Variants in UGT2A1 observed in about 807,000 individuals in gnomAD.
The protein encoded by UGT2A1 is UDP-glucuronosyltransferase 2A1.
In UGT2A1, 61 loss-of-function variants were observed where a neutral mutation model predicts 45.4. That is an observed-to-expected ratio of 1.34 (90% CI 1.09 to 1.66). UGT2A1 has a LOEUF of 1.66. Among genes scored for constraint, UGT2A1 ranks in the 40% most tolerant of loss-of-function variants. The pLI is 0.00. For synonymous variants in UGT2A1, 229 were observed against 196.2 expected (o/e 1.17, Z -1.40); for missense variants, 649 against 574.3 (o/e 1.13, Z -1.33).
chr4:69,599,579 G>T, intron 3 of UGT2A1, 185 bp from the exon 4 acceptor site: 2 of 846,712 alleles, frequency 2.4e-6, no homozygotes, highest in Non-Finnish European at 3.2e-6. Flanking sequence ...AAAGGAAGGA[G>T]GAAGGAAGAA....
chr4:69,622,304 G>C (rs28570072), intron 3 of UGT2A1, among the ~76,000 whole-genome samples: 48,067 of 151,470 alleles, frequency 0.32, 7,794 homozygotes, highest in South Asian at 0.37. Context: ...ACAAAGATGG[G>C]AAATTGGCAT....
chr4:69,633,221 C>A (rs145375022), intron 3 of UGT2A1, among the ~76,000 whole-genome samples: 1 of 152,118 alleles, frequency 6.6e-6, no homozygotes, highest in African/African-American at 2.4e-5. Context: ...ATACTGTACA[C>A]TTTATGCACT....
chr4:69,630,104 A>G (rs1721301325), intron 3 of UGT2A1, among the ~76,000 whole-genome samples: 1 of 152,098 alleles, frequency 6.6e-6, no homozygotes, highest in South Asian at 2.1e-4. Context: ...ATATTAAAAG[A>G]TTATATTAAA....
chr4:69,610,742 A>G (rs1348496442), intron 3 of UGT2A1, among the ~76,000 whole-genome samples: 2 of 152,194 alleles, frequency 1.3e-5, no homozygotes, highest in Non-Finnish European at 2.9e-5. Flanking sequence ...TGAGAATATA[A>G]GATGGTGGCC....
At chr4:69,632,884 TCA>T in intron 3 of UGT2A1, among the ~76,000 whole-genome samples, 1 of 133,158 alleles carries the variant, frequency 7.5e-6, no homozygotes, top group African/African-American at 3.1e-5. Flanking sequence ...CAAGACTCGG[TCA>T]AAAAAAAAAA....
chr4:69,632,321 T>G (rs1008525384), intron 3 of UGT2A1, among the ~76,000 whole-genome samples: 2 of 152,130 alleles, frequency 1.3e-5, no homozygotes, highest in Non-Finnish European at 2.9e-5. Flanking sequence ...GGGTCTGCAT[T>G]AAAGATAAGG....
intron 6 of UGT2A1, among the ~76,000 whole-genome samples, chr4:69,592,648 G>T (rs1397510865): frequency 6.6e-6 from 1 of 151,958 alleles, no homozygotes; most frequent in African/African-American, 2.4e-5. Context: ...ACTATTGGAG[G>T]CAATCTCAAT....
chr4:69,615,431 G>T (rs933098002), intron 3 of UGT2A1, among the ~76,000 whole-genome samples: 2 of 151,810 alleles, frequency 1.3e-5, no homozygotes, highest in African/African-American at 4.8e-5. Flanking sequence ...ACAAACTGAA[G>T]AAACAGTCTA....
At chr4:69,617,341 G>C (rs1195695774) in intron 3 of UGT2A1, among the ~76,000 whole-genome samples, 1 of 151,778 alleles carries the variant, frequency 6.6e-6, no homozygotes, top group Non-Finnish European at 1.5e-5. Flanking sequence ...CAAATTATTA[G>C]GAGTTTAATA....
intron 2 of UGT2A1, among the ~76,000 whole-genome samples, chr4:69,636,825 G>A (rs1721737180): frequency 6.6e-6 from 1 of 152,004 alleles, no homozygotes; most frequent in African/African-American, 2.4e-5. Context: ...TCCTCCTAAC[G>A]AATATAGTGA....
chr4:69,642,502 C>T (rs1560495668), intron 2 of UGT2A1, among the ~76,000 whole-genome samples: 1 of 151,614 alleles, frequency 6.6e-6, no homozygotes, highest in Non-Finnish European at 1.5e-5. Context: ...GAAAAGATTC[C>T]AGTGCATTTT....
chr4:69,651,191 T>A (rs1195440904), intron 1 of UGT2A1, among the ~76,000 whole-genome samples: 3 of 152,176 alleles, frequency 2.0e-5, no homozygotes, highest in Non-Finnish European at 4.4e-5. Context: ...TGAAGTTATA[T>A]TCACAACAAA....
intron 3 of UGT2A1, among the ~76,000 whole-genome samples, chr4:69,615,544 A>G (rs1464499788): frequency 1.3e-5 from 2 of 152,126 alleles, no homozygotes; most frequent in East Asian, 3.9e-4. Context: ...ATGAGTAATC[A>G]AAAAGAAATG....
chr4:69,651,850 T>C (rs956872418), intron 1 of UGT2A1, among the ~76,000 whole-genome samples: 3 of 152,158 alleles, frequency 2.0e-5, no homozygotes, highest in African/African-American at 4.8e-5. Context: ...CTAAACAGAC[T>C]GTGCATGCTC....
At chr4:69,636,130 C>G (rs1229543004) in intron 2 of UGT2A1, among the ~76,000 whole-genome samples, 1 of 152,116 alleles carries the variant, frequency 6.6e-6, no homozygotes, top group Non-Finnish European at 1.5e-5. Flanking sequence ...TGATGTCCTT[C>G]AAGACATTTG....
intron 3 of UGT2A1, among the ~76,000 whole-genome samples, chr4:69,626,362 A>C (rs931530847): frequency 2.0e-5 from 3 of 151,762 alleles, no homozygotes; most frequent in African/African-American, 7.2e-5. Context: ...CAAAAAAAAA[A>C]CTATATACAT....
At chr4:69,629,690 C>T (rs1379328572) in intron 3 of UGT2A1, among the ~76,000 whole-genome samples, 1 of 152,104 alleles carries the variant, frequency 6.6e-6, no homozygotes, top group African/African-American at 2.4e-5. Context: ...CTGTACAACT[C>T]TACTGGAAGA....
chr4:69,638,839 A>T, intron 2 of UGT2A1: 1 of 1,462,330 alleles, frequency 6.8e-7, no homozygotes, highest in South Asian at 1.5e-5. Context: ...CGTTTGCCAT[A>T]TGACAATAAG....
At chr4:69,652,482 C>T (rs1269718169) in intron 1 of UGT2A1, among the ~76,000 whole-genome samples, 2 of 151,826 alleles carry the variant, frequency 1.3e-5, no homozygotes, top group Non-Finnish European at 2.9e-5. Flanking sequence ...CGGGGTTTCA[C>T]CTGGTCTTGA....
Sources: gnomAD v4.1 joint callset for allele counts (sites outside exome capture counted in the v4.1 genomes callset) on GRCh38, gnomAD v4.1.1 for gene constraint, MANE v1.5 for transcripts, NCBI Gene and HGNC (gene_info 2026-07-23, HGNC 2026-07-21) for gene names.